FAM110B: variants seen among roughly 807,000 people sequenced by gnomAD.
The protein encoded by FAM110B is protein FAM110B.
In FAM110B, 6 loss-of-function variants were observed where a neutral mutation model predicts 20.4. The ratio of observed to expected loss-of-function variants is 0.29; its 90% CI spans 0.16 to 0.58. The LOEUF is 0.58. Among genes scored for constraint, FAM110B ranks in the 20% least tolerant of loss-of-function variants. The pLI is 0.90. For missense variants in FAM110B, 434 were observed against 498.2 expected (o/e 0.87, Z 1.23); for synonymous variants, 226 against 214.1 (o/e 1.06, Z -0.49).
chr8:58,078,296 G>C lies in FAM110B; in HGVS notation c.-325+2673G>C, dbSNP rs1012759096. On this transcript the variant is annotated intron_variant, in intron 3 of 3. Coordinates refer to ENST00000519262, the MANE Select transcript of FAM110B (RefSeq NM_001377989.1). ...AAAATGATATTGTAATGTTCTTTTG[G>C]TCAAACCTTTTGGAGTTTGTTCATC... 4.6e-5 allele frequency among the ~76,000 whole-genome samples: 7 copies of C among 152,252 alleles called. No homozygotes were observed. In the South Asian group the frequency reaches 1.5e-3, roughly 32 times the overall value.
chr8:58,128,507 C>T (rs1202213263), intron 3 of FAM110B, among the ~76,000 whole-genome samples: 1 of 152,070 alleles, frequency 6.6e-6, no homozygotes, highest in Non-Finnish European at 1.5e-5. Context: ...GAGAGCTGAA[C>T]CCAAGGATTA....
chr8:58,032,179 C>CT (rs899782735), intron 2 of FAM110B: 1 of 152,196 alleles, frequency 6.6e-6, no homozygotes, highest in Non-Finnish European at 1.5e-5. Context: ...CTTGCAGTGG[C>CT]TTTTTTACCT....
chr8:58,145,731 G>A (rs753737869), intron 3 of FAM110B, among the ~76,000 whole-genome samples, 176 bp from the exon 4 acceptor site: 2 of 152,218 alleles, frequency 1.3e-5, no homozygotes, highest in African/African-American at 2.4e-5. Context: ...CGGCGCAGGC[G>A]GGGGCGCAAG....
intron 3 of FAM110B, among the ~76,000 whole-genome samples, chr8:58,080,366 A>G (rs1220328467): frequency 3.3e-5 from 5 of 152,232 alleles, no homozygotes; most frequent in Non-Finnish European, 7.3e-5. Flanking sequence ...CAGCTAGAGT[A>G]GGAAAGAGGC....
At chr8:58,084,526 A>G (rs1301142273) in intron 3 of FAM110B, among the ~76,000 whole-genome samples, 2 of 151,994 alleles carry the variant, frequency 1.3e-5, no homozygotes, top group African/African-American at 4.8e-5. Flanking sequence ...AGTAGCTGGG[A>G]CTACAGGCAC....
chr8:58,020,050 G>GT (rs891684050), intron 1 of FAM110B, among the ~76,000 whole-genome samples: 7 of 151,044 alleles, frequency 4.6e-5, no homozygotes, highest in African/African-American at 1.5e-4. Context: ...AAATTTGTGT[G>GT]TTTTTTTTCC....
chr8:58,059,854 T>C (rs1363718342), intron 2 of FAM110B, among the ~76,000 whole-genome samples: 2 of 152,172 alleles, frequency 1.3e-5, no homozygotes, highest in Non-Finnish European at 2.9e-5. Context: ...TTGCTCTAGA[T>C]GCTCTATAGT....
intron 3 of FAM110B, among the ~76,000 whole-genome samples, chr8:58,144,340 G>C (rs1026881130): frequency 6.6e-6 from 1 of 152,136 alleles, no homozygotes; most frequent in Admixed American, 6.5e-5. Flanking sequence ...GCTCCCTTCT[G>C]GCATTTCATT....
chr8:58,026,668 C>T (rs1324011639), intron 1 of FAM110B, among the ~76,000 whole-genome samples: 1 of 152,054 alleles, frequency 6.6e-6, no homozygotes, highest in African/African-American at 2.4e-5. Flanking sequence ...CAGGATAGTT[C>T]CCAGAGCAGT....
intron 2 of FAM110B, among the ~76,000 whole-genome samples, chr8:58,070,883 G>A (rs996675829): frequency 3.9e-5 from 6 of 152,154 alleles, no homozygotes; most frequent in Admixed American, 2.6e-4. Context: ...ATTTTGGATG[G>A]TTTTCTTTGT....
chr8:58,102,459 A>G (rs979205832), intron 3 of FAM110B, among the ~76,000 whole-genome samples: 4 of 152,172 alleles, frequency 2.6e-5, no homozygotes, highest in African/African-American at 7.2e-5. Flanking sequence ...TTCAGATTAT[A>G]TCTAAATTAA....
At chr8:58,103,768 A>G (rs1408314142) in intron 3 of FAM110B, among the ~76,000 whole-genome samples, 1 of 152,170 alleles carries the variant, frequency 6.6e-6, no homozygotes, top group East Asian at 1.9e-4. Flanking sequence ...CCATTTCTAG[A>G]AGGCCCCTTC....
chr8:58,118,355 A>G (rs972173895), intron 3 of FAM110B, among the ~76,000 whole-genome samples: 4 of 152,200 alleles, frequency 2.6e-5, no homozygotes, highest in African/African-American at 9.6e-5. Context: ...TTTACTAACC[A>G]TGAGAATGGA....
At position 58,148,782 on chromosome 8, in the gene FAM110B, G is replaced by A. The variant is rs1803932230; in HGVS notation, c.*1439G>A. 6.0e-6 allele frequency: 1 copy of A among 167,120 alleles called. No homozygotes were observed. The highest frequency in any genetic ancestry group is 6.5e-5 in the Admixed American group (1 of 15,288). 10.4% of individuals were successfully genotyped at this position (167,120 alleles called of 1,614,324 possible). A position where few individuals can be genotyped will look rare whatever the true frequency, so the allele number is the denominator to read the frequency against. On this transcript the variant is annotated 3_prime_UTR_variant, in exon 4 of 4. Coordinates refer to ENST00000519262, the MANE Select transcript of FAM110B (RefSeq NM_001377989.1). ...ACGCTAATAAATTGCTGTGGTGCAG[G>A]CACTAATGGTGGTGGTTTCTCTTTG...
intron 3 of FAM110B, among the ~76,000 whole-genome samples, chr8:58,089,620 T>G (rs1806424807): frequency 6.6e-6 from 1 of 152,164 alleles, no homozygotes. Flanking sequence ...AGACATCCAT[T>G]GGGGGAACAC....
At chr8:58,081,607 C>T (rs1239705815) in intron 3 of FAM110B, among the ~76,000 whole-genome samples, 3 of 152,172 alleles carry the variant, frequency 2.0e-5, no homozygotes, top group Non-Finnish European at 4.4e-5. Flanking sequence ...AGCCACCTCT[C>T]ATCTGGGCTC....
At chr8:58,043,855 T>C (rs1288062034) in intron 2 of FAM110B, among the ~76,000 whole-genome samples, 1 of 152,216 alleles carries the variant, frequency 6.6e-6, no homozygotes, top group African/African-American at 2.4e-5. Flanking sequence ...AGAGATGAAA[T>C]ACTTTGATTA....
intron 3 of FAM110B, among the ~76,000 whole-genome samples, chr8:58,126,071 A>G (rs1379560154): frequency 2.0e-5 from 3 of 152,200 alleles, no homozygotes. Context: ...AAGCACCCTC[A>G]TGACTCCTCA....
intron 2 of FAM110B, among the ~76,000 whole-genome samples, chr8:58,068,628 G>A (rs1420569930): frequency 6.6e-6 from 1 of 151,608 alleles, no homozygotes; most frequent in Non-Finnish European, 1.5e-5. Context: ...GAAAAGGGAA[G>A]TTTGCATTTT....
Sources: gnomAD v4.1 joint callset for allele counts (sites outside exome capture counted in the v4.1 genomes callset) on GRCh38, gnomAD v4.1.1 for gene constraint, MANE v1.5 for transcripts, NCBI Gene and HGNC (gene_info 2026-07-23, HGNC 2026-07-21) for gene names.